PRR14L: variants seen among roughly 807,000 people sequenced by gnomAD.
The protein encoded by PRR14L is proline rich 14 like.
In PRR14L, 80 loss-of-function variants were observed where a neutral mutation model predicts 155.0. The ratio of observed to expected loss-of-function variants is 0.52; its 90% CI spans 0.43 to 0.62. The LOEUF (loss-of-function observed/expected upper bound fraction) is 0.62. Among genes scored for constraint, PRR14L ranks in the 20% least tolerant of loss-of-function variants. PRR14L has a pLI of 0.00. For synonymous variants in PRR14L, 883 were observed against 916.0 expected (o/e 0.96, Z 0.65); for missense variants, 2,469 against 2,548.0 (o/e 0.97, Z 0.67).
At chr22:31,731,955 C>T (rs1319218808) in intron 2 of PRR14L, among the ~76,000 whole-genome samples, 34 of 152,126 alleles carry the variant, frequency 2.2e-4, no homozygotes, top group Admixed American at 1.6e-3. Context: ...TCTCACATCC[C>T]AGTTGTCTAG....
chr22:31,732,760 T>G (rs1235179315), intron 2 of PRR14L, among the ~76,000 whole-genome samples: 1 of 152,140 alleles, frequency 6.6e-6, no homozygotes, highest in Non-Finnish European at 1.5e-5. Flanking sequence ...AACCTGCTGG[T>G]TTTGGGGACC....
Position 31,716,604 on chromosome 22 carries a change from G to T in PRR14L, c.1235C>A (p.Pro412His), listed in dbSNP as rs2074661706. ...TGGTTCCCTGGCATTAAAAAGAAAA[G>T]GTCCACCTCTTTCACTCCTAGGAAT... Reference protein sequence around the residue: ...LLIPRSERGGPFLFNAREPEK... With the variant: ...LLIPRSERGGHFLFNAREPEK... The change falls in exon 4 of 9, where the codon CCT becomes CAT. Residue 412 changes from proline (P) to histidine (H), a missense_variant. Pro to His is a moderately conservative substitution (Grantham distance 77). This residue lies in a region of PRR14L where 2,363 missense variants were observed against 2,371.6 expected (regional missense o/e 1.00). Coordinates refer to ENST00000327423, the MANE Select transcript of PRR14L (RefSeq NM_173566.3). The T allele has an allele frequency of 1.3e-6, 2 of 1,551,132 alleles. No individual in the cohort carries two copies. Among genetic ancestry groups the T allele is most frequent in the South Asian group, 2.4e-5 (2 of 83,924 alleles).
intron 4 of PRR14L, among the ~76,000 whole-genome samples, chr22:31,709,901 G>A (rs1368259552): frequency 6.6e-6 from 1 of 151,962 alleles, no homozygotes; most frequent in Non-Finnish European, 1.5e-5. Context: ...CCAAAGTGCT[G>A]GGACTACAGG....
At chr22:31,720,558 C>T (rs943149027) in intron 3 of PRR14L, among the ~76,000 whole-genome samples, 1 of 152,016 alleles carries the variant, frequency 6.6e-6, no homozygotes, top group East Asian at 1.9e-4. Flanking sequence ...CATGGTGAAA[C>T]CTTATCTCTA....
intron 1 of PRR14L, among the ~76,000 whole-genome samples, chr22:31,743,079 G>C (rs1418211904): frequency 2.0e-5 from 3 of 152,076 alleles, no homozygotes; most frequent in Non-Finnish European, 4.4e-5. Flanking sequence ...AAGGTGGGAG[G>C]ATCATGAGGT....
chr22:31,722,408 T>A (rs1379270948), intron 3 of PRR14L, among the ~76,000 whole-genome samples: 4 of 131,514 alleles, frequency 3.0e-5, no homozygotes, highest in Non-Finnish European at 6.3e-5. Context: ...CCAGCCTGGG[T>A]GACAGAAAGA....
chr22:31,700,516 A>G lies in PRR14L; in HGVS notation c.6107+1140T>C, dbSNP rs114413680. Reference sequence around the variant, plus strand: ...TTTTATTCGTGTTGTGTGAAGCACTATAACGGAGGTAGTACACATTCTTTT... The same window carrying G: ...TTTTATTCGTGTTGTGTGAAGCACTGTAACGGAGGTAGTACACATTCTTTT... On this transcript the variant is annotated intron_variant, in intron 7 of 8. Coordinates refer to ENST00000327423, the MANE Select transcript of PRR14L (RefSeq NM_173566.3). Among the ~76,000 whole-genome samples the G allele has an allele frequency of 4.8e-3, 733 of 152,362 alleles. 4 individuals carry two copies. Among genetic ancestry groups the G allele is most frequent in the African/African-American group, 0.017 (699 of 41,584 alleles).
chr22:31,747,687 C>T lies in PRR14L; in HGVS notation c.-52+2306G>A, dbSNP rs1171593302. 2.0e-5 allele frequency among the ~76,000 whole-genome samples: 3 copies of T among 151,640 alleles called. No individual in the cohort carries two copies. The East Asian group carries it at 5.8e-4, about 29-fold the overall frequency. On this transcript the variant is annotated intron_variant, in intron 1 of 8. Coordinates refer to ENST00000327423, the MANE Select transcript of PRR14L (RefSeq NM_173566.3). ...TGGTGGTATAGAGCTCCCACTAATCCCCTCTGCAATTACTCAACGGCGTTT... is the reference window on the plus strand; with the variant it reads ...TGGTGGTATAGAGCTCCCACTAATCTCCTCTGCAATTACTCAACGGCGTTT...
At chr22:31,689,747 T>C (rs1211336938) in intron 7 of PRR14L, among the ~76,000 whole-genome samples, 1 of 151,858 alleles carries the variant, frequency 6.6e-6, no homozygotes, top group East Asian at 1.9e-4. Context: ...TTTTTTTATT[T>C]TATTTATTTA....
At chr22:31,685,880 C>T in intron 8 of PRR14L, 77 bp from the exon 9 acceptor site, 13 of 1,380,144 alleles carry the variant, frequency 9.4e-6, no homozygotes, top group Admixed American at 2.3e-5. Flanking sequence ...AGGATGTTGA[C>T]GCTGGGTCAA....
At chr22:31,740,247 TCTCA>T (rs2074805362) in intron 1 of PRR14L, among the ~76,000 whole-genome samples, 1 of 151,716 alleles carries the variant, frequency 6.6e-6, no homozygotes, top group Admixed American at 6.6e-5. Context: ...TGAGATGGAG[TCTCA>T]CTCTGTCACC....
chr22:31,709,347 G>C (rs1001329246), intron 4 of PRR14L, among the ~76,000 whole-genome samples: 6 of 151,404 alleles, frequency 4.0e-5, no homozygotes, highest in African/African-American at 1.5e-4. Context: ...CGGCCTCCCA[G>C]GTTCAAGGGA....
At chr22:31,699,463 G>T (rs899044760) in intron 7 of PRR14L, among the ~76,000 whole-genome samples, 12 of 152,186 alleles carry the variant, frequency 7.9e-5, no homozygotes, top group African/African-American at 2.7e-4. Context: ...ATGCTCAAAG[G>T]TTATGTTCAA....
chr22:31,725,683 A>AT, intron 2 of PRR14L, 73 bp from the exon 3 acceptor site: 1 of 920,094 alleles, frequency 1.1e-6, no homozygotes. Flanking sequence ...TATTATTATT[A>AT]TTTTTTGAGA....
intron 1 of PRR14L, among the ~76,000 whole-genome samples, chr22:31,742,057 A>C (rs1367283577): frequency 6.6e-6 from 1 of 152,200 alleles, no homozygotes; most frequent in Non-Finnish European, 1.5e-5. Flanking sequence ...GCCAAAAATA[A>C]GTAGGAAGTG....
In PRR14L at chr22:31,690,968, TC is replaced by T. The variant is rs200681352; in HGVS notation, c.6108-2742del. Among the ~76,000 whole-genome samples, 24 of 144,822 alleles carry T rather than the reference TC, an allele frequency of 1.7e-4. No individual in the cohort carries two copies. The East Asian group carries it at 4.8e-3, about 29-fold the overall frequency. On this transcript the variant is annotated intron_variant, in intron 7 of 8. Coordinates refer to ENST00000327423, the MANE Select transcript of PRR14L (RefSeq NM_173566.3). Reference sequence around the variant, plus strand: ...AGCTAATTTTTTTTTCTTTTCTATTTCTTTTTTTTTTTTGAGACCAAGTCTC... The same window carrying T: ...AGCTAATTTTTTTTTCTTTTCTATTTTTTTTTTTTTTTGAGACCAAGTCTC...
intron 4 of PRR14L, among the ~76,000 whole-genome samples, chr22:31,708,626 C>T (rs927921703): frequency 6.6e-6 from 1 of 150,726 alleles, no homozygotes; most frequent in Admixed American, 6.6e-5. Flanking sequence ...CATGCCTGGC[C>T]ACCAGCAGTC....
intron 4 of PRR14L, among the ~76,000 whole-genome samples, chr22:31,709,095 T>C (rs547163656): frequency 6.6e-6 from 1 of 152,234 alleles, no homozygotes; most frequent in South Asian, 2.1e-4. Flanking sequence ...AGTGCTGGGA[T>C]TTTAGGCATG....
At chr22:31,701,821 T>A in intron 6 of PRR14L, 59 bp from the exon 7 acceptor site, 1 of 1,390,760 alleles carries the variant, frequency 7.2e-7, no homozygotes, top group Middle Eastern at 1.9e-4. Context: ...ATTTATATAT[T>A]TTTTGAGACA....
Sources: gnomAD v4.1 joint callset for allele counts (sites outside exome capture counted in the v4.1 genomes callset) on GRCh38, gnomAD v4.1.1 for gene constraint, gnomAD v4.1.1 regional missense constraint, MANE v1.5 for transcripts, NCBI Gene and HGNC (gene_info 2026-07-23, HGNC 2026-07-21) for gene names.